The following HSD17B12 variants were observed in gnomAD, a reference collection of about 807,000 sequenced individuals.
HSD17B12 encodes very-long-chain 3-oxoacyl-CoA reductase.
HSD17B12 carries 32 observed loss-of-function variants against 39.3 expected under a neutral mutation model. The ratio of observed to expected loss-of-function variants is 0.81; its 90% confidence interval spans 0.61 to 1.09. HSD17B12 has a LOEUF of 1.09. Among genes scored for constraint, HSD17B12 ranks in the 50% least tolerant of loss-of-function variants. The pLI is 0.00. For synonymous variants in HSD17B12, 150 were observed against 146.7 expected (o/e 1.02, Z -0.16); for missense variants, 342 against 382.9 (o/e 0.89, Z 0.89).
At chr11:43,811,659 A>G (rs909218806) in intron 4 of HSD17B12, among the ~76,000 whole-genome samples, 43 of 152,150 alleles carry the variant, frequency 2.8e-4, no homozygotes, top group African/African-American at 1.0e-3. Context: ...TAGGATGTGT[A>G]ATGATCATGT....
chr11:43,700,023 TC>T (rs896495968), intron 1 of HSD17B12, among the ~76,000 whole-genome samples: 11 of 152,066 alleles, frequency 7.2e-5, no homozygotes, highest in Admixed American at 6.6e-5. Context: ...AGAGCAGAAC[TC>T]AAGTTTCAGG....
chr11:43,674,199 C>G, the HSD17B12 span, among the ~76,000 whole-genome samples: 1 of 152,170 alleles, frequency 6.6e-6, no homozygotes, highest in Non-Finnish European at 1.5e-5. Context: ...TAGTATGGCT[C>G]TACTAACCCT....
At chr11:43,705,468 T>A (rs1393510360) in intron 1 of HSD17B12, among the ~76,000 whole-genome samples, 2 of 152,310 alleles carry the variant, frequency 1.3e-5, no homozygotes, top group Admixed American at 1.3e-4. Context: ...TGGCCCAAAG[T>A]AGTTCAACTG....
At chr11:43,604,582 G>GA in the HSD17B12 span, among the ~76,000 whole-genome samples, 2 of 152,236 alleles carry the variant, frequency 1.3e-5, no homozygotes, top group South Asian at 4.1e-4. Flanking sequence ...CACAAAATGG[G>GA]AAAAATAGTT....
the HSD17B12 span, among the ~76,000 whole-genome samples, chr11:43,635,084 C>T: frequency 1.3e-5 from 2 of 152,040 alleles, no homozygotes; most frequent in South Asian, 4.2e-4. Flanking sequence ...ATAAAAAAAA[C>T]AGATGAAGAA....
chr11:43,648,137 C>T, the HSD17B12 span, among the ~76,000 whole-genome samples: 2 of 152,014 alleles, frequency 1.3e-5, no homozygotes, highest in African/African-American at 2.4e-5. Flanking sequence ...TTGCTTTGTC[C>T]TTTGCCTTCC....
At chr11:43,795,661 T>A (rs1417156292) in intron 3 of HSD17B12, among the ~76,000 whole-genome samples, 1 of 152,068 alleles carries the variant, frequency 6.6e-6, no homozygotes, top group East Asian at 1.9e-4. Context: ...ATGCGATGCA[T>A]GGAATGGCAA....
At chr11:43,847,744 C>G (rs1394653126) in intron 9 of HSD17B12, among the ~76,000 whole-genome samples, 1 of 134,960 alleles carries the variant, frequency 7.4e-6, no homozygotes, top group Non-Finnish European at 1.6e-5. Flanking sequence ...GAGAAATCCT[C>G]TAGGCTCCAT....
the HSD17B12 span, among the ~76,000 whole-genome samples, chr11:43,582,120 G>C: frequency 6.6e-6 from 1 of 152,206 alleles, no homozygotes; most frequent in Non-Finnish European, 1.5e-5. Context: ...CTAATTTGGG[G>C]CGTTTTGCAG....
At chr11:43,766,858 C>T (rs939191826) in intron 3 of HSD17B12, among the ~76,000 whole-genome samples, 3 of 152,174 alleles carry the variant, frequency 2.0e-5, no homozygotes, top group Non-Finnish European at 4.4e-5. Flanking sequence ...TCTAACTAAA[C>T]GTTTTCTCTA....
chr11:43,772,902 G>C (rs546227943), intron 3 of HSD17B12, among the ~76,000 whole-genome samples: 2 of 152,240 alleles, frequency 1.3e-5, no homozygotes, highest in South Asian at 4.1e-4. Context: ...CTTGAGCCCA[G>C]GCGTTTGAGA....
At chr11:43,778,104 A>G (rs1322732753) in intron 3 of HSD17B12, among the ~76,000 whole-genome samples, 1 of 152,126 alleles carries the variant, frequency 6.6e-6, no homozygotes, top group Admixed American at 6.6e-5. Flanking sequence ...TAATAAAGAA[A>G]AAAAGAGAGA....
At chr11:43,729,018 A>G (rs1323712537) in intron 1 of HSD17B12, among the ~76,000 whole-genome samples, 2 of 152,160 alleles carry the variant, frequency 1.3e-5, no homozygotes, top group East Asian at 3.8e-4. Flanking sequence ...ATAATTACAT[A>G]TTATAATGTA....
intron 6 of HSD17B12, among the ~76,000 whole-genome samples, chr11:43,826,523 A>G (rs1951242540): frequency 6.6e-6 from 1 of 152,212 alleles, no homozygotes. Context: ...CAAATTTATT[A>G]CAAAAGGAAA....
chr11:43,572,318 A>AG, the HSD17B12 span, among the ~76,000 whole-genome samples: 1 of 152,212 alleles, frequency 6.6e-6, no homozygotes, highest in Admixed American at 6.5e-5. Flanking sequence ...AGCCTTATTC[A>AG]GGGGGCATCT....
intron 1 of HSD17B12, among the ~76,000 whole-genome samples, chr11:43,705,543 G>A (rs1237422607): frequency 4.6e-5 from 7 of 152,134 alleles, no homozygotes; most frequent in Non-Finnish European, 1.0e-4. Context: ...ATGTGGATAC[G>A]TTACTGTCCT....
chr11:43,851,295 A>C (rs1203213931), intron 9 of HSD17B12, among the ~76,000 whole-genome samples: 3 of 152,094 alleles, frequency 2.0e-5, no homozygotes, highest in African/African-American at 7.2e-5. Flanking sequence ...AACTTGAAAA[A>C]TCTGTTCTGC....
chr11:43,817,019 T>TATC (rs1951133914), intron 6 of HSD17B12, among the ~76,000 whole-genome samples: 1 of 24,702 alleles, frequency 4.0e-5, no homozygotes, highest in African/African-American at 1.2e-4. Flanking sequence ...TCTATATCTA[T>TATC]ATCTATATCT....
At chr11:43,853,358 A>C (rs1951551613) in intron 9 of HSD17B12, 1 of 149,322 alleles carries the variant, frequency 6.7e-6, no homozygotes. Flanking sequence ...AAAAAAAAAA[A>C]AAAAAACCAG....
Sources: gnomAD v4.1 joint callset for allele counts (sites outside exome capture counted in the v4.1 genomes callset) on GRCh38, gnomAD v4.1.1 for gene constraint, MANE v1.5 for transcripts, NCBI Gene and HGNC (gene_info 2026-07-23, HGNC 2026-07-21) for gene names.